The following SSBP3 variants were observed in gnomAD, a reference collection of about 807,000 sequenced individuals.
SSBP3 encodes single-stranded DNA-binding protein 3.
Under a neutral mutation model 69.6 loss-of-function variants are expected in SSBP3, and 5 were observed. The observed-to-expected ratio is 0.07, with a 90% CI of 0.04 to 0.15. The LOEUF (loss-of-function observed/expected upper bound fraction) is 0.15. SSBP3 is among the 10% of genes least tolerant of loss of function. The probability of loss-of-function intolerance (pLI) is 1.00; values close to 1 mark genes in which losing one functional copy is unlikely to be tolerated. For synonymous variants in SSBP3, 196 were observed against 193.4 expected, an observed-to-expected ratio of 1.01 and a Z score of -0.11; for missense variants, 312 against 534.0, an observed-to-expected ratio of 0.58 and a Z score of 4.10.
At chr1:54,343,104 G>A (rs903113562) in intron 4 of SSBP3, among the ~76,000 whole-genome samples, 3 of 152,178 alleles carry the variant, frequency 2.0e-5, no homozygotes, top group African/African-American at 7.2e-5. Context: ...TCCATAGCCC[G>A]GATCCTGTAC....
At chr1:54,390,332 A>C (rs971191925) in intron 4 of SSBP3, among the ~76,000 whole-genome samples, 3 of 152,072 alleles carry the variant, frequency 2.0e-5, no homozygotes, top group Non-Finnish European at 4.4e-5. Context: ...TCCCATGAAG[A>C]CTGTCACTCT....
intron 4 of SSBP3, among the ~76,000 whole-genome samples, chr1:54,327,217 A>AAAGGAAGGAAGGAAGGAAGGAAGG (rs55892071): frequency 2.2e-4 from 29 of 134,162 alleles, no homozygotes; most frequent in Middle Eastern, 3.6e-3. Context: ...AAGAGAGGGA[A>AAAGGAAGGAAGGAAGGAAGGAAGG]AAGGAAGGAA....
chr1:54,253,786 T>G (rs1023031150), intron 7 of SSBP3, among the ~76,000 whole-genome samples: 1 of 152,192 alleles, frequency 6.6e-6, no homozygotes, highest in African/African-American at 2.4e-5. Flanking sequence ...AGTCACCCAG[T>G]GCAGGACCAC....
chr1:54,256,908 C>T (rs1448677857), intron 7 of SSBP3, among the ~76,000 whole-genome samples: 1 of 152,194 alleles, frequency 6.6e-6, no homozygotes, highest in Non-Finnish European at 1.5e-5. Context: ...CTGGAATGGG[C>T]TGTCCAAAGG....
intron 5 of SSBP3, among the ~76,000 whole-genome samples, chr1:54,263,560 G>A (rs892584188): frequency 3.9e-5 from 6 of 152,224 alleles, no homozygotes; most frequent in Admixed American, 2.6e-4. Context: ...GTGGCCACTC[G>A]CCTGCCCTTT....
chr1:54,348,942 G>T (rs1372859785), intron 4 of SSBP3, among the ~76,000 whole-genome samples: 1 of 152,198 alleles, frequency 6.6e-6, no homozygotes, highest in Non-Finnish European at 1.5e-5. Flanking sequence ...CTAGTGTCTT[G>T]TTGAGAGCCA....
chr1:54,285,194 TAAC>T (rs1557495319), intron 4 of SSBP3, among the ~76,000 whole-genome samples: 1 of 152,116 alleles, frequency 6.6e-6, no homozygotes, highest in Non-Finnish European at 1.5e-5. Flanking sequence ...CATGTGCTCA[TAAC>T]AAAAAACTTT....
intron 4 of SSBP3, among the ~76,000 whole-genome samples, chr1:54,313,020 C>CTTT (rs534805502): frequency 2.5e-5 from 3 of 121,358 alleles, no homozygotes; most frequent in South Asian, 2.6e-4. Flanking sequence ...GTGCCTGGAG[C>CTTT]TTTTTTTTTT....
chr1:54,354,811 T>C (rs1227690711), intron 4 of SSBP3, among the ~76,000 whole-genome samples: 1 of 152,206 alleles, frequency 6.6e-6, no homozygotes, highest in Non-Finnish European at 1.5e-5. Context: ...CACACAACTC[T>C]GTGTTAAGAC....
chr1:54,347,846 G>A (rs1055719984), intron 4 of SSBP3, among the ~76,000 whole-genome samples: 3 of 152,286 alleles, frequency 2.0e-5, no homozygotes, highest in Non-Finnish European at 4.4e-5. Context: ...ATGGCCCTGC[G>A]GGCACCTTCC....
chr1:54,299,458 T>G (rs1336732443), intron 4 of SSBP3, among the ~76,000 whole-genome samples: 1 of 150,636 alleles, frequency 6.6e-6, no homozygotes, highest in Non-Finnish European at 1.5e-5. Context: ...CTGGCCAGGG[T>G]CCCTCTTACT....
intron 4 of SSBP3, among the ~76,000 whole-genome samples, chr1:54,378,166 T>C (rs549318485): frequency 6.6e-6 from 1 of 152,220 alleles, no homozygotes; most frequent in Non-Finnish European, 1.5e-5. Context: ...CCCATTTTTA[T>C]AACAAATGAA....
chr1:54,332,494 T>C (rs1361449106), intron 4 of SSBP3, among the ~76,000 whole-genome samples: 1 of 152,062 alleles, frequency 6.6e-6, no homozygotes, highest in African/African-American at 2.4e-5. Flanking sequence ...CATCTGTAAA[T>C]GAAAGGGCTG....
chr1:54,399,456 T>C (rs924336581), intron 4 of SSBP3, among the ~76,000 whole-genome samples: 5 of 152,192 alleles, frequency 3.3e-5, no homozygotes, highest in Non-Finnish European at 7.3e-5. Flanking sequence ...TGGCAGGATA[T>C]GAGGGACTGA....
chr1:54,278,768 G>C (rs531853558), intron 5 of SSBP3, among the ~76,000 whole-genome samples: 1 of 152,254 alleles, frequency 6.6e-6, no homozygotes, highest in African/African-American at 2.4e-5. Flanking sequence ...TTCTGCAGCA[G>C]AGCTTCCTAC....
intron 4 of SSBP3, among the ~76,000 whole-genome samples, chr1:54,304,104 G>A (rs1358922390): frequency 6.6e-6 from 1 of 152,142 alleles, no homozygotes; most frequent in Non-Finnish European, 1.5e-5. Context: ...TGTGGCAAAG[G>A]GGGTACTCCT....
intron 4 of SSBP3, among the ~76,000 whole-genome samples, chr1:54,379,045 C>T (rs1647415448): frequency 6.6e-6 from 1 of 152,198 alleles, no homozygotes; most frequent in African/African-American, 2.4e-5. Context: ...CCCCAACCCA[C>T]TTGTTCATAG....
upstream of SSBP3, among the ~76,000 whole-genome samples, chr1:54,407,002 G>C (rs1465041503): frequency 1.3e-5 from 2 of 151,978 alleles, no homozygotes; most frequent in East Asian, 3.9e-4. Flanking sequence ...TCTGGCTTCC[G>C]AGCGCCGGGC....
chr1:54,335,191 C>T (rs1031485706), intron 4 of SSBP3, among the ~76,000 whole-genome samples: 1 of 152,240 alleles, frequency 6.6e-6, no homozygotes, highest in African/African-American at 2.4e-5. Context: ...GGGCAAAGCA[C>T]TACGCTTTCA....
Sources: gnomAD v4.1 joint callset for allele counts (sites outside exome capture counted in the v4.1 genomes callset) on GRCh38, gnomAD v4.1.1 for gene constraint, MANE v1.5 for transcripts, NCBI Gene and HGNC (gene_info 2026-07-23, HGNC 2026-07-21) for gene names.